Variants in SLA observed in about 807,000 individuals in gnomAD.
SLA encodes Src like adaptor, also known as src-like-adapter.
Under a neutral mutation model 30.3 loss-of-function variants are expected in SLA, and 16 were observed. The observed-to-expected ratio is 0.53, with a 90% CI of 0.36 to 0.80. The LOEUF (loss-of-function observed/expected upper bound fraction) is 0.80, where lower values mean the gene tolerates loss of function less well. SLA is among the 30% of genes least tolerant of loss of function. The pLI is 0.01. For synonymous variants in SLA, 143 were observed against 137.8 expected, an observed-to-expected ratio of 1.04 and a Z score of -0.26; for missense variants, 310 against 345.2, an observed-to-expected ratio of 0.90 and a Z score of 0.81.
At chr8:133,058,273 C>T (rs1012896885) in intron 3 of SLA, among the ~76,000 whole-genome samples, 6 of 152,204 alleles carry the variant, frequency 3.9e-5, no homozygotes, top group South Asian at 2.1e-4. Flanking sequence ...AGCCCACCAG[C>T]GCTTGATGTG....
rs872645 is a variant in SLA, at chr8:133,079,500, G to A, written c.-318-4370C>T. On this transcript the variant is annotated intron_variant, in intron 1 of 8. Transcript: ENST00000338087. ...ACATGTGTTGATGGGTTTCCCAGGG[G>A]AAGCAATAAAAAGCCACTTCTCCAG... Among the ~76,000 whole-genome samples, 1,007 of 152,090 alleles carry A rather than the reference G, an allele frequency of 6.6e-3. 13 individuals are homozygous for A. Among genetic ancestry groups the A allele is most frequent in the African/African-American group, 0.023 (974 of 41,484 alleles).
At chr8:133,058,489 C>A (rs1056495229) in intron 3 of SLA, among the ~76,000 whole-genome samples, 1 of 152,204 alleles carries the variant, frequency 6.6e-6, no homozygotes, top group African/African-American at 2.4e-5. Context: ...TCATGAGGTT[C>A]GCTCAAGCAT....
intron 5 of SLA, chr8:133,049,153 C>T (rs1414619946): frequency 4.4e-6 from 2 of 456,416 alleles, no homozygotes; most frequent in South Asian, 1.5e-5. Flanking sequence ...CCAAAGCCAC[C>T]CAGGAGGCTG....
chr8:133,047,633 T>TC (rs1413507860), intron 6 of SLA, 197 bp downstream of exon 6: 1 of 594,812 alleles, frequency 1.7e-6, no homozygotes, highest in Admixed American at 2.7e-5. Flanking sequence ...CCCAGCCGGC[T>TC]CCCCACTGCC....
intron 1 of SLA, among the ~76,000 whole-genome samples, chr8:133,101,149 C>T (rs565177198): frequency 2.6e-5 from 4 of 152,122 alleles, no homozygotes; most frequent in African/African-American, 4.8e-5. Context: ...GTCAGGGATG[C>T]GCTATCACCA....
rs56229608 is a variant in SLA, at chr8:133,036,930, A to G, written c.*1594T>C. On this transcript the variant is annotated 3_prime_UTR_variant, in exon 9 of 9. Transcript: ENST00000338087. ...TCACCCTGCCTTATGCGGGAAGTCA[A>G]TGTCCACAGTGTTACATTCATTTCT... 13,885 of 152,468 alleles carry G rather than the reference A, an allele frequency of 0.091. 804 individuals carry two copies. Among genetic ancestry groups the G allele is most frequent in the Middle Eastern group, 0.13 (39 of 294 alleles). 9.4% of individuals were successfully genotyped at this position (152,468 alleles called of 1,614,324 possible).
At position 133,074,840 on chromosome 8, in the gene SLA, A is replaced by T. The variant is rs2741212; in HGVS notation, c.-41+13T>A. On this transcript the variant is annotated intron_variant, in intron 2 of 8. Coordinates refer to ENST00000338087, the MANE Select transcript of SLA (RefSeq NM_001045556.3). ...TCTCCCCACCCCATCTCTGCCACAT[A>T]CTCCCAAAATACCTTCACACACTGG... is the stretch of plus-strand genomic sequence containing the variant. 1,814 of 985,048 alleles carry T rather than the reference A, an allele frequency of 1.8e-3. 33 individuals carry two copies. The African/African-American group carries it at 0.029, about 16-fold the overall frequency. 61.0% of individuals were successfully genotyped at this position (985,048 alleles called of 1,614,324 possible).
At chr8:133,069,775 C>A (rs527830409) in intron 2 of SLA, among the ~76,000 whole-genome samples, 1 of 151,682 alleles carries the variant, frequency 6.6e-6, no homozygotes, top group Non-Finnish European at 1.5e-5. Flanking sequence ...CTGAGGCAGG[C>A]GGATCATTTG....
At chr8:133,050,039 C>A (rs1321071266) in intron 4 of SLA, 51 bp from the exon 5 acceptor site, 2 of 1,182,544 alleles carry the variant, frequency 1.7e-6, no homozygotes, top group Non-Finnish European at 1.3e-6. Flanking sequence ...ATAGCAAAAC[C>A]AAAGGATGAA....
chr8:133,092,890 G>T (rs1847790920), intron 1 of SLA, among the ~76,000 whole-genome samples: 1 of 152,204 alleles, frequency 6.6e-6, no homozygotes. Context: ...TTAAGAGAAA[G>T]AAACATTCTC....
At chr8:133,072,960 T>C (rs1220276656) in intron 2 of SLA, 1 of 152,246 alleles carries the variant, frequency 6.6e-6, no homozygotes, top group East Asian at 1.9e-4. Context: ...ATTAATAGCT[T>C]TCTGCCTAGG....
chr8:133,042,595 A>G (rs1838465041), intron 7 of SLA, among the ~76,000 whole-genome samples: 1 of 151,622 alleles, frequency 6.6e-6, no homozygotes, highest in Non-Finnish European at 1.5e-5. Context: ...AATTTGCCTA[A>G]AGGCATCATG....
At chr8:133,088,406 T>G (rs1427480643) in intron 1 of SLA, among the ~76,000 whole-genome samples, 2 of 152,150 alleles carry the variant, frequency 1.3e-5, no homozygotes, top group African/African-American at 4.8e-5. Context: ...TAGCACAGTG[T>G]GGGGGGAACA....
In SLA at chr8:133,039,953, G is replaced by GCACGCACACACACA. The variant is rs1554706051; in HGVS notation, c.617+44_617+45insTGTGTGTGTGCGTG. On this transcript the variant is annotated intron_variant, in intron 8 of 8. Transcript: ENST00000338087. ...TCACATGTTCACAGAGCACTTGCATGCACACACACACACACACACACACAC... is the reference window on the plus strand; with the variant it reads ...TCACATGTTCACAGAGCACTTGCATGCACGCACACACACACACACACACACACACACACACACAC... 2.1e-6 allele frequency: 3 copies of GCACGCACACACACA among 1,434,338 alleles called. No individual in the cohort carries two copies. In the African/African-American group the frequency reaches 4.4e-5, roughly 21 times the overall value. 88.9% of individuals were successfully genotyped at this position (1,434,338 alleles called of 1,614,324 possible).
chr8:133,040,032 G>C lies in SLA; in HGVS notation c.583C>G (p.Arg195Gly). The C allele has an allele frequency of 6.4e-7, 1 of 1,551,858 alleles. No homozygotes were observed. The highest frequency in any genetic ancestry group is 2.0e-5 in the Admixed American group (1 of 51,004). Residue 195 changes from arginine (R) to glycine (G), a missense_variant, in exon 8 of 9, where the codon CGT (arginine) becomes GGT (glycine). Arg to Gly is a moderately radical substitution (Grantham distance 125). Transcript: ENST00000338087. The stretch of plus-strand genomic sequence containing the variant: ...CTCCTCCAGTCCACAGTCTTCTGAC[G>C]CAAGGTGACAGGTGAGCTGGAGGCC... ...VRASSSPVTL[R>G]QKTVDWRRVS...
In SLA at chr8:133,093,406, A is replaced by G. The variant is rs375264069; in HGVS notation, c.-319+9147T>C. ...CAGAGTGAGCCACTGGCTGGAGATC[A>G]CGTAGCCCAGGAGCCTTGCTTTGTT... On this transcript the variant is annotated intron_variant, in intron 1 of 8. Transcript: ENST00000338087. Among the ~76,000 whole-genome samples the G allele has an allele frequency of 2.0e-5, 3 of 152,248 alleles. No individual in the cohort carries two copies. The South Asian group carries it at 6.2e-4, about 32-fold the overall frequency.
In SLA at chr8:133,074,834, C is replaced by T; in HGVS notation, c.-41+19G>A. 1.0e-6 allele frequency: 1 copy of T among 985,308 alleles called. No homozygotes were observed. 61.0% of individuals were successfully genotyped at this position (985,308 alleles called of 1,614,324 possible). ...GAAGTCTCTCCCCACCCCATCTCTG[C>T]CACATACTCCCAAAATACCTTCACA... On this transcript the variant is annotated intron_variant, in intron 2 of 8. Transcript: ENST00000338087.
At chr8:133,072,129 C>T (rs1045817444) in intron 2 of SLA, among the ~76,000 whole-genome samples, 3 of 152,196 alleles carry the variant, frequency 2.0e-5, no homozygotes, top group Admixed American at 2.0e-4. Context: ...ACCCCCTCTA[C>T]ACACATATAC....
chr8:133,100,221 C>T (rs1849036136), intron 1 of SLA, among the ~76,000 whole-genome samples: 1 of 152,216 alleles, frequency 6.6e-6, no homozygotes, highest in Non-Finnish European at 1.5e-5. Context: ...AGACAACTCA[C>T]TGCCTTACTC....
Sources: allele counts gnomAD v4.1 joint callset (sites outside exome capture counted in the v4.1 genomes callset), GRCh38; gene constraint gnomAD v4.1.1; transcripts MANE v1.5; gene names NCBI Gene and HGNC (gene_info 2026-07-23, HGNC 2026-07-21).